Variants in TRPV3 observed in about 807,000 individuals in gnomAD.
TRPV3 encodes the protein VRL-3.
In TRPV3, 88 loss-of-function variants were observed where a neutral mutation model predicts 87.1. That is an observed-to-expected ratio of 1.01 (90% CI 0.85 to 1.21). The LOEUF (loss-of-function observed/expected upper bound fraction) is 1.21. TRPV3 is among the 50% of genes most tolerant of loss of function. The pLI, the probability that TRPV3 is intolerant of heterozygous loss-of-function variation, is 0.00. For synonymous variants in TRPV3, 438 were observed against 423.3 expected, an observed-to-expected ratio of 1.03 and a Z score of -0.43; for missense variants, 1,054 against 1,030.1, an observed-to-expected ratio of 1.02 and a Z score of -0.32.
Position 3,557,481 on chromosome 17 carries a change from C to T in TRPV3, c.-3+195G>A, listed in dbSNP as rs1474212575. Among the ~76,000 whole-genome samples, 1 of 152,176 alleles carries T rather than the reference C, an allele frequency of 6.6e-6. No homozygotes were observed. The highest frequency in any genetic ancestry group is 1.5e-5 in the Non-Finnish European group (1 of 68,010). On this transcript the variant is annotated intron_variant, in intron 1 of 17. Coordinates refer to ENST00000576742, the MANE Select transcript of TRPV3 (RefSeq NM_145068.4). The surrounding 1 kb of genome is among the most constrained non-coding windows in gnomAD (Gnocchi z 4.5). Reference sequence around the variant, plus strand: ...GGACCTATATTCTCACACATCCCTACAGCCAAGAGTGCAGCCAAGAGTGCC... The same window carrying T: ...GGACCTATATTCTCACACATCCCTATAGCCAAGAGTGCAGCCAAGAGTGCC...
At position 3,535,663 on chromosome 17, in the gene TRPV3, C is replaced by A; in HGVS notation, c.694G>T (p.Ala232Ser). 1 of 1,601,522 alleles carries A rather than the reference C, an allele frequency of 6.2e-7. No homozygotes were observed. Among genetic ancestry groups the A allele is most frequent in the African/African-American group, 1.3e-5 (1 of 74,226 alleles). Residue 232 changes from alanine (A) to serine (S), a missense_variant, in exon 7 of 18, where the codon GCC becomes TCC. By Grantham distance (99) the Ala-to-Ser change is moderately conservative. Transcript: ENST00000576742. ...TCGGCGCCGGCGGCGATGAGCAGGG[C>A]TGCGATGTCCCCCTGCCGCCGCTCG... is the stretch of plus-strand genomic sequence containing the variant. ...AIERRQGDIA[A>S]LLIAAGADVN... is the part of the protein sequence containing the mutation.
At chr17:3,552,815 G>A (rs2074591733) in intron 2 of TRPV3, 3 of 152,304 alleles carry the variant, frequency 2.0e-5, no homozygotes. Context: ...GGACAAGTGA[G>A]AGCGGATGGG....
intron 4 of TRPV3, 114 bp from the exon 5 acceptor site, chr17:3,543,742 G>T (rs900209302): frequency 2.1e-6 from 3 of 1,407,286 alleles, no homozygotes; most frequent in Non-Finnish European, 2.9e-6. Flanking sequence ...CATCTCCCAT[G>T]CCTGTCACAA....
At position 3,526,942 on chromosome 17, in the gene TRPV3, G is replaced by A. The variant is rs200955758; in HGVS notation, c.1504-15C>T. ...ATGGCAATGCCCTAAGGCCAGGAAG[G>A]AAAGAAACAGTGCACCCTCTTCATG... On this transcript the variant is annotated splice_polypyrimidine_tract_variant and intron_variant, in intron 11 of 17. Transcript: ENST00000576742. The A allele has an allele frequency of 2.3e-4, 375 of 1,604,726 alleles. No homozygotes were observed. The highest frequency in any genetic ancestry group is 8.1e-4 in the Admixed American group (48 of 58,974).
At chr17:3,535,859 T>C in intron 6 of TRPV3, 146 bp from the exon 7 acceptor site, 2 of 1,071,396 alleles carry the variant, frequency 1.9e-6, no homozygotes, top group Non-Finnish European at 1.2e-6. Context: ...ATCCCAGCTT[T>C]GTTCTTTGCT....
intron 13 of TRPV3, among the ~76,000 whole-genome samples, chr17:3,521,686 G>A (rs899061442): frequency 6.6e-6 from 1 of 152,132 alleles, no homozygotes; most frequent in Admixed American, 6.5e-5. Flanking sequence ...TATGTCAGCT[G>A]TACCTCAATA....
intron 16 of TRPV3, 47 bp from the exon 17 acceptor site, chr17:3,514,719 A>G: frequency 6.9e-7 from 1 of 1,440,002 alleles, no homozygotes; most frequent in Non-Finnish European, 9.8e-7. Flanking sequence ...TGCCTCACTG[A>G]GTACTAACAA....
At chr17:3,543,079 T>C (rs954294292) in intron 5 of TRPV3, among the ~76,000 whole-genome samples, 1 of 148,976 alleles carries the variant, frequency 6.7e-6, no homozygotes. Flanking sequence ...CACCCAGGGC[T>C]CCACCAGCCA....
chr17:3,514,304 C>A (rs1043632378), intron 17 of TRPV3: 6 of 501,516 alleles, frequency 1.2e-5, no homozygotes, highest in Non-Finnish European at 2.1e-5. Flanking sequence ...GTCTCAAACT[C>A]CTGACCTCAG....
chr17:3,514,677 A>C lies in TRPV3; in HGVS notation c.2199-5T>G. ...GTCCACTTCACCTCATTGATCCTGC[A>C]AATGTGATAATCATTCTTACTATTT... On this transcript the variant is annotated splice_region_variant and splice_polypyrimidine_tract_variant and intron_variant, in intron 16 of 17. Coordinates refer to ENST00000576742, the MANE Select transcript of TRPV3 (RefSeq NM_145068.4). 6.2e-7 allele frequency: 1 copy of C among 1,610,230 alleles called. No homozygotes were observed. Among genetic ancestry groups the C allele is most frequent in the Non-Finnish European group, 8.5e-7 (1 of 1,176,586 alleles).
chr17:3,531,529 T>TC (rs2074349212), intron 8 of TRPV3, among the ~76,000 whole-genome samples: 1 of 151,812 alleles, frequency 6.6e-6, no homozygotes, highest in South Asian at 2.1e-4. Context: ...GACAGGTGCC[T>TC]CCCCCGGGCC....
At chr17:3,526,037 G>A (rs569184586) in intron 12 of TRPV3, among the ~76,000 whole-genome samples, 19 of 152,262 alleles carry the variant, frequency 1.2e-4, no homozygotes, top group African/African-American at 4.3e-4. Context: ...TAAAAACACT[G>A]TCTTATAACA....
At chr17:3,522,401 A>G (rs1490912530) in intron 13 of TRPV3, among the ~76,000 whole-genome samples, 7 of 152,220 alleles carry the variant, frequency 4.6e-5, no homozygotes, top group Non-Finnish European at 1.0e-4. Flanking sequence ...ACAATACAAT[A>G]TTCTGAGAGA....
rs2074157854 is a variant in TRPV3, at chr17:3,514,612, C to CG, written c.2258dup (p.Pro755AlafsTer26). 5.6e-6 allele frequency: 9 copies of CG among 1,613,720 alleles called. No homozygotes were observed. The highest frequency in any genetic ancestry group is 7.6e-6 in the Non-Finnish European group (9 of 1,179,762). The stretch of plus-strand genomic sequence containing the variant: ...CAGTACCTGTTCGTCTTACAGGCCC[C>CG]GGGTCTTCGTTAAGGAAGGAGACGT... On this transcript the variant is annotated frameshift_variant, in exon 17 of 18. Coordinates refer to ENST00000576742, the MANE Select transcript of TRPV3 (RefSeq NM_145068.4). LOFTEE classifies it high-confidence loss of function.
At position 3,554,717 on chromosome 17, in the gene TRPV3, G is replaced by T; in HGVS notation, c.119+15C>A. ...CACAGTGCCGCAGTCCGTGTCCCGA[G>T]CTCTCCAAACCCACCTCTTCTTTGT... On this transcript the variant is annotated intron_variant, in intron 2 of 17. Transcript: ENST00000576742. 6.3e-7 allele frequency: 1 copy of T among 1,574,988 alleles called. No homozygotes were observed. The highest frequency in any genetic ancestry group is 8.7e-7 in the Non-Finnish European group (1 of 1,148,698).
rs1374275493 is a variant in TRPV3, at chr17:3,532,832, T to C, written c.890A>G (p.Asn297Ser). The change falls in exon 8 of 18, where the codon AAC (asparagine) becomes AGC (serine). Residue 297 changes from asparagine to serine, a missense_variant. By Grantham distance (46) the Asn-to-Ser change is conservative. Coordinates refer to ENST00000576742, the MANE Select transcript of TRPV3 (RefSeq NM_145068.4). ...GGTCACCAGGGCGTGAAGGATGTTG[T>C]TGCCTCGTGAGTCCCGCGAGGTGAT... The part of the protein sequence containing the change: ...TDITSRDSRG[N>S]NILHALVTVA... 6.2e-7 allele frequency: 1 copy of C among 1,614,250 alleles called. No individual in the cohort carries two copies. The highest frequency in any genetic ancestry group is 2.2e-5 in the East Asian group (1 of 44,892).
chr17:3,535,214 CTGT>C, intron 7 of TRPV3, among the ~76,000 whole-genome samples: 2 of 117,838 alleles, frequency 1.7e-5, no homozygotes, highest in East Asian at 2.8e-4. Flanking sequence ...CTTCTCCCTT[CTGT>C]CTCCTGCCTC....
rs1375446852 is a variant in TRPV3, at chr17:3,516,392, C to T, written c.2198+65G>A. 4.8e-6 allele frequency: 6 copies of T among 1,245,122 alleles called. No homozygotes were observed. The East Asian group carries it at 1.4e-4, about 29-fold the overall frequency. The allele number at this position is 1,245,122 out of a possible 1,614,324, so 77.1% of individuals were successfully genotyped here. A position where few individuals can be genotyped will look rare whatever the true frequency, so the allele number is the denominator to read the frequency against. ...CGGCACTGTTTCTCTAACATCCTGT[C>T]ACCATCCTGCCCCTCTCTACCCACC... On this transcript the variant is annotated intron_variant, in intron 16 of 17. Transcript: ENST00000576742.
chr17:3,516,289 T>C (rs2074182680), intron 16 of TRPV3, among the ~76,000 whole-genome samples, 168 bp downstream of exon 16: 1 of 152,142 alleles, frequency 6.6e-6, no homozygotes, highest in East Asian at 1.9e-4. Context: ...TCTCAGGGCC[T>C]GCAACCCCAT....
Sources: gnomAD v4.1 joint callset for allele counts (sites outside exome capture counted in the v4.1 genomes callset) on GRCh38, gnomAD v4.1.1 for gene constraint, Gnocchi (gnomAD v3.1) non-coding constraint, MANE v1.5 for transcripts, NCBI Gene and HGNC (gene_info 2026-07-23, HGNC 2026-07-21) for gene names.